Variants in DNAH17 observed in about 807,000 individuals in gnomAD.
The protein encoded by DNAH17 is dynein axonemal heavy chain 17, also known as axonemal beta dynein heavy chain 17.
Under a neutral mutation model 485.6 loss-of-function variants are expected in DNAH17, and 376 were observed. The ratio of observed to expected loss-of-function variants is 0.77; its 90% CI spans 0.71 to 0.84. The LOEUF (loss-of-function observed/expected upper bound fraction) is 0.84. DNAH17 is among the 40% of genes least tolerant of loss of function. DNAH17 has a pLI of 0.00. For missense variants in DNAH17, 6,370 were observed against 5,839.3 expected (o/e 1.09, Z -2.96); for synonymous variants, 3,031 against 2,405.9 (o/e 1.26, Z -7.60).
intron 17 of DNAH17, among the ~76,000 whole-genome samples, chr17:78,543,290 T>TG (rs1371746431): frequency 1.0e-3 from 152 of 150,090 alleles, no homozygotes; most frequent in African/African-American, 3.5e-3. Context: ...AATTTTTGTT[T>TG]TTTTTTTTTT....
intron 17 of DNAH17, among the ~76,000 whole-genome samples, chr17:78,541,308 T>TGGGG (rs2091578111): frequency 3.7e-5 from 1 of 26,714 alleles, no homozygotes; most frequent in African/African-American, 1.7e-4. Context: ...GGTGGGTGGG[T>TGGGG]GAGTGAGTGG....
At position 78,526,654 on chromosome 17, in the gene DNAH17, A is replaced by G. The variant is rs1430042687; in HGVS notation, c.3708T>C (p.Asn1236=). The change falls in exon 24 of 81, where the codon AAT becomes AAC. Residue 1236 remains asparagine (N), a synonymous_variant. Coordinates refer to ENST00000389840, the MANE Select transcript of DNAH17 (RefSeq NM_173628.4). ...FSDPNPYKSL[N]KQQKSISAME... is the part of the protein sequence containing the mutation. The stretch of plus-strand genomic sequence containing the variant: ...TCTCACCCTTGAGCAAAAATACCTT[A>G]TTCAGGGACTTGTAGGGGTTGGGGT... 3 of 1,601,654 alleles carry G rather than the reference A, an allele frequency of 1.9e-6. No homozygotes were observed. The highest frequency in any genetic ancestry group is 1.7e-5 in the Admixed American group (1 of 58,768).
chr17:78,529,111 T>G (rs2091157647), intron 22 of DNAH17, among the ~76,000 whole-genome samples: 1 of 152,270 alleles, frequency 6.6e-6, no homozygotes, highest in South Asian at 2.1e-4. Context: ...TGGCTAATTT[T>G]CTATATTTTT....
intron 54 of DNAH17, among the ~76,000 whole-genome samples, chr17:78,472,484 G>A (rs1421733385): frequency 1.3e-5 from 2 of 152,128 alleles, no homozygotes; most frequent in African/African-American, 4.8e-5. Flanking sequence ...GCGGGGAGGC[G>A]GGGACCTGAG....
At chr17:78,476,325 G>A (rs374998963) in intron 52 of DNAH17, among the ~76,000 whole-genome samples, 6 of 85,934 alleles carry the variant, frequency 7.0e-5, no homozygotes, top group South Asian at 3.4e-4. Context: ...TGGAACCCTC[G>A]GACCCACAGC....
chr17:78,507,430 T>A, intron 28 of DNAH17, 28 bp downstream of exon 28: 1 of 1,613,652 alleles, frequency 6.2e-7, no homozygotes, highest in Non-Finnish European at 8.5e-7. Context: ...ATTTCTGAAG[T>A]GCGTGGGAAC....
At chr17:78,506,384 G>C (rs1003010817) in intron 30 of DNAH17, among the ~76,000 whole-genome samples, 3 of 152,050 alleles carry the variant, frequency 2.0e-5, no homozygotes, top group East Asian at 1.9e-4. Context: ...CAGCTGACCA[G>C]AGCAAGACCC....
Position 78,530,400 on chromosome 17 carries a change from G to A in DNAH17, c.3227C>T (p.Thr1076Ile), listed in dbSNP as rs2091199395. The A allele has an allele frequency of 1.2e-6, 2 of 1,613,642 alleles. No individual in the cohort carries two copies. The highest frequency in any genetic ancestry group is 1.7e-6 in the Non-Finnish European group (2 of 1,179,768). ...CRPFKQALLS[T>I]IRRWGFMFKR... ...GAACATGAAGCCCCAGCGCCGGATT[G>A]TGCTGAGCAGGGCCTGCTTGAAGGG... The change falls in exon 21 of 81, where the codon ACA (threonine) becomes ATA (isoleucine). Residue 1076 changes from threonine to isoleucine, a missense_variant. By Grantham distance (89) the Thr-to-Ile change is moderately conservative (BLOSUM62 -1). Transcript: ENST00000389840.
At chr17:78,499,302 T>C (rs2090188171) in intron 36 of DNAH17, 190 bp from the exon 37 acceptor site, 2 of 424,924 alleles carry the variant, frequency 4.7e-6, no homozygotes, top group Non-Finnish European at 8.3e-6. Context: ...CGTGGAGGGC[T>C]GGACACGAGG....
intron 19 of DNAH17, among the ~76,000 whole-genome samples, chr17:78,536,821 C>A (rs2091386942): frequency 6.6e-6 from 1 of 152,014 alleles, no homozygotes; most frequent in Non-Finnish European, 1.5e-5. Flanking sequence ...GGAAGGACGA[C>A]AGATGTGGGA....
At chr17:78,434,265 T>G (rs767356813) in intron 74 of DNAH17, 45 bp from the exon 75 acceptor site, 1 of 1,556,538 alleles carries the variant, frequency 6.4e-7, no homozygotes, top group Non-Finnish European at 8.7e-7. Context: ...GAGGGAGAAG[T>G]TTACACAGAA....
chr17:78,460,701 C>A (rs1020017517), intron 58 of DNAH17, among the ~76,000 whole-genome samples: 1 of 152,170 alleles, frequency 6.6e-6, no homozygotes, highest in Non-Finnish European at 1.5e-5. Flanking sequence ...GGGAACTGTT[C>A]CTTCTATCGG....
rs372976203 is a variant in DNAH17, at chr17:78,502,943, G to A, written c.5025C>T (p.Ala1675=). The change falls in exon 32 of 81, where the codon GCC becomes GCT. Residue 1675 remains alanine, a synonymous_variant. Transcript: ENST00000389840. ...TCGGCTTCTCTTCGTAGGTCACCAC[G>A]GCCTCTGGGATTTCGTGCCGGAGGG... The part of the protein sequence containing the change: ...CSTLRHEIPE[A]VVTYEEKPRE... 1.5e-4 allele frequency: 246 copies of A among 1,613,918 alleles called. No homozygotes were observed. Among genetic ancestry groups the A allele is most frequent in the Non-Finnish European group, 1.9e-4 (225 of 1,179,898 alleles).
intron 71 of DNAH17, among the ~76,000 whole-genome samples, chr17:78,442,934 G>A (rs1040786199): frequency 6.6e-6 from 1 of 152,194 alleles, no homozygotes; most frequent in Non-Finnish European, 1.5e-5. Context: ...TATTAGTCAC[G>A]TCTGTTTCAA....
At chr17:78,452,499 A>T (rs1376950397) in intron 65 of DNAH17, among the ~76,000 whole-genome samples, 1 of 152,182 alleles carries the variant, frequency 6.6e-6, no homozygotes, top group Non-Finnish European at 1.5e-5. Flanking sequence ...GCACTTGGGG[A>T]GGCCGAGGCA....
At position 78,532,735 on chromosome 17, in the gene DNAH17, A is replaced by C. The variant is rs1220807892; in HGVS notation, c.2861T>G (p.Met954Arg). The C allele has an allele frequency of 6.3e-7, 1 of 1,590,972 alleles. No individual in the cohort carries two copies. The highest frequency in any genetic ancestry group is 8.6e-7 in the Non-Finnish European group (1 of 1,167,184). Residue 954 changes from methionine to arginine, a missense_variant and splice_region_variant, in exon 20 of 81, where the codon ATG becomes AGG. By Grantham distance (91) the Met-to-Arg change is moderately conservative. Transcript: ENST00000389840. Reference sequence around the variant, plus strand: ...GAGGTCTGTGTTATCTTCCAGGTCCATCTGAAAGGGGCAGGGGAGAAGCAA... The same window carrying C: ...GAGGTCTGTGTTATCTTCCAGGTCCCTCTGAAAGGGGCAGGGGAGAAGCAA... ...RLAKDRMNYK[M>R]DLEDNTDLIE...
chr17:78,464,085 T>G (rs1436257594), intron 56 of DNAH17, among the ~76,000 whole-genome samples: 1 of 152,232 alleles, frequency 6.6e-6, no homozygotes, highest in Non-Finnish European at 1.5e-5. Context: ...AGGTTTATTC[T>G]GTCCTACTTA....
At chr17:78,445,081 A>G (rs867194956) in intron 70 of DNAH17, among the ~76,000 whole-genome samples, 1 of 152,168 alleles carries the variant, frequency 6.6e-6, no homozygotes, top group African/African-American at 2.4e-5. Context: ...AAATGGGGCC[A>G]TTCTAGCTCA....
intron 75 of DNAH17, among the ~76,000 whole-genome samples, chr17:78,432,827 T>G (rs1227491792): frequency 6.7e-6 from 1 of 148,640 alleles, no homozygotes; most frequent in South Asian, 2.1e-4. Flanking sequence ...TGGAGGCCCA[T>G]GAGGAAGCAG....
Sources: allele counts gnomAD v4.1 joint callset (sites outside exome capture counted in the v4.1 genomes callset), GRCh38; gene constraint gnomAD v4.1.1; transcripts MANE v1.5; gene names NCBI Gene and HGNC (gene_info 2026-07-23, HGNC 2026-07-21).